ALCAM: variants seen among roughly 807,000 people sequenced by gnomAD.
The protein encoded by ALCAM is CD166 antigen.
ALCAM carries 30 observed loss-of-function variants against 70.9 expected under a neutral mutation model. The observed-to-expected ratio is 0.42, with a 90% CI of 0.32 to 0.57. The LOEUF (loss-of-function observed/expected upper bound fraction) is 0.57. Among genes scored for constraint, ALCAM ranks in the 20% least tolerant of loss-of-function variants. ALCAM has a pLI of 0.11. For synonymous variants in ALCAM, 249 were observed against 242.5 expected (o/e 1.03, Z -0.25); for missense variants, 591 against 695.1 (o/e 0.85, Z 1.68).
intron 1 of ALCAM, among the ~76,000 whole-genome samples, chr3:105,429,641 G>A (rs1936877814): frequency 6.6e-6 from 1 of 151,926 alleles, no homozygotes; most frequent in African/African-American, 2.4e-5. Flanking sequence ...AATGTGACAA[G>A]AAGTGATATT....
rs553751564 is a variant in ALCAM at position 105,374,705 on chromosome 3, A to T, written c.73+7224A>T. Among the ~76,000 whole-genome samples the T allele has an allele frequency of 4.6e-5, 7 of 152,010 alleles. No individual in the cohort carries two copies. In the South Asian group the frequency reaches 1.5e-3, roughly 32 times the overall value. On this transcript the variant is annotated intron_variant, in intron 1 of 15. Coordinates refer to ENST00000306107, the MANE Select transcript of ALCAM (RefSeq NM_001627.4). ...CTAATTTTGTGTATTTTTAGTAGAG[A>T]CTGGGTTTCACCATGTTGGCCAGGC...
chr3:105,515,625 T>TACCATTAGTGGTACC (rs1939361989), intron 1 of ALCAM, among the ~76,000 whole-genome samples: 1 of 151,950 alleles, frequency 6.6e-6, no homozygotes, highest in Non-Finnish European at 1.5e-5. Context: ...AGTGGTGCTG[T>TACCATTAGTGGTACC]CATCTAATGG....
At chr3:105,381,127 G>A (rs1935509093) in intron 1 of ALCAM, among the ~76,000 whole-genome samples, 1 of 151,926 alleles carries the variant, frequency 6.6e-6, no homozygotes, top group African/African-American at 2.4e-5. Context: ...AGCTGTGAAA[G>A]TTAAATGAAT....
intron 1 of ALCAM, among the ~76,000 whole-genome samples, chr3:105,454,486 CA>C (rs1288132359): frequency 6.6e-6 from 1 of 151,932 alleles, no homozygotes; most frequent in Non-Finnish European, 1.5e-5. Context: ...CATTTTTAGA[CA>C]GGGGAGACTG....
In ALCAM at chr3:105,494,771, C is replaced by A. The variant is rs980920468; in HGVS notation, c.74-25296C>A. Among the ~76,000 whole-genome samples, 18 of 152,010 alleles carry A rather than the reference C, an allele frequency of 1.2e-4. 1 individual carries two copies. Among genetic ancestry groups the A allele is most frequent in the Admixed American group, 7.9e-4 (12 of 15,246 alleles). On this transcript the variant is annotated intron_variant, in intron 1 of 15. Transcript: ENST00000306107. ...AACTCCTGGGCTCAAGTGATCCCCC[C>A]ACCTCAGCGTCCTGACTAACTGGGA...
intron 1 of ALCAM, among the ~76,000 whole-genome samples, chr3:105,517,991 T>C (rs144124354): frequency 1.4e-4 from 21 of 152,242 alleles, no homozygotes; most frequent in African/African-American, 4.8e-4. Context: ...GTATTTGAAA[T>C]TCATAGAGCT....
At chr3:105,498,324 C>T (rs1477742981) in intron 1 of ALCAM, among the ~76,000 whole-genome samples, 3 of 152,064 alleles carry the variant, frequency 2.0e-5, no homozygotes, top group African/African-American at 7.2e-5. Context: ...TCTGGTCACA[C>T]AAAACACAAT....
chr3:105,562,843 T>C (rs559686910), intron 14 of ALCAM, among the ~76,000 whole-genome samples: 1 of 152,370 alleles, frequency 6.6e-6, no homozygotes, highest in East Asian at 1.9e-4. Flanking sequence ...TTCACTCTTG[T>C]TGCCCAGGCT....
intron 14 of ALCAM, among the ~76,000 whole-genome samples, chr3:105,555,620 G>A (rs1940498229): frequency 6.6e-6 from 1 of 151,968 alleles, no homozygotes. Context: ...AGTCATTGGA[G>A]AAAGATAAGA....
At chr3:105,376,208 G>GA (rs1217451182) in intron 1 of ALCAM, among the ~76,000 whole-genome samples, 1 of 152,056 alleles carries the variant, frequency 6.6e-6, no homozygotes, top group Non-Finnish European at 1.5e-5. Context: ...AGGGTTGTTG[G>GA]AAAAATGAGA....
At chr3:105,442,506 G>A (rs1362815490) in intron 1 of ALCAM, among the ~76,000 whole-genome samples, 1 of 152,124 alleles carries the variant, frequency 6.6e-6, no homozygotes, top group Non-Finnish European at 1.5e-5. Flanking sequence ...ATTCGGCCAG[G>A]CGCGGTGGCT....
chr3:105,452,110 C>A (rs1292813476), intron 1 of ALCAM, among the ~76,000 whole-genome samples: 2 of 146,056 alleles, frequency 1.4e-5, no homozygotes, highest in African/African-American at 5.0e-5. Flanking sequence ...GTTTTTTTTT[C>A]TTCCAAAAAA....
At chr3:105,455,460 A>ATT in intron 1 of ALCAM, among the ~76,000 whole-genome samples, 1 of 149,678 alleles carries the variant, frequency 6.7e-6, no homozygotes, top group South Asian at 2.1e-4. Flanking sequence ...AAAAAAAAAG[A>ATT]GAAAAGAAAA....
intron 1 of ALCAM, among the ~76,000 whole-genome samples, chr3:105,413,971 C>T (rs1936449316): frequency 6.6e-6 from 1 of 152,124 alleles, no homozygotes; most frequent in Middle Eastern, 3.4e-3. Context: ...TGCAAAACAT[C>T]ATGTTCAATG....
intron 5 of ALCAM, among the ~76,000 whole-genome samples, chr3:105,534,099 G>A (rs780966243): frequency 6.6e-6 from 1 of 152,052 alleles, no homozygotes; most frequent in Non-Finnish European, 1.5e-5. Flanking sequence ...AGCAGGATTT[G>A]CATTCCTGTA....
Position 105,524,367 on chromosome 3 carries a change from G to A in ALCAM, c.253G>A (p.Glu85Lys), listed in dbSNP as rs765175016. The change falls in exon 3 of 16, where the codon GAA becomes AAA. Residue 85 changes from glutamate to lysine, a missense_variant. Physicochemically the swap from Glu to Lys is moderately conservative, Grantham distance 56. Transcript: ENST00000306107. Reference sequence around the variant, plus strand: ...AAGTGTGCAGTACGACGATGTACCAGAATACAAAGACAGATTGAACCTCTC... The same window carrying A: ...AAGTGTGCAGTACGACGATGTACCAAAATACAAAGACAGATTGAACCTCTC... ...KKSVQYDDVPEYKDRLNLSEN... is the reference protein window; with the variant it reads ...KKSVQYDDVPKYKDRLNLSEN... 13 of 1,614,128 alleles carry A rather than the reference G, an allele frequency of 8.1e-6. No homozygotes were observed. The South Asian group carries it at 1.4e-4, about 18-fold the overall frequency.
Position 105,552,161 on chromosome 3 carries a change from G to T in ALCAM, c.1525G>T (p.Asp509Tyr). 1 of 1,600,194 alleles carries T rather than the reference G, an allele frequency of 6.2e-7. No individual in the cohort carries two copies. The highest frequency in any genetic ancestry group is 8.5e-7 in the Non-Finnish European group (1 of 1,174,566). Residue 509 changes from aspartate to tyrosine, a missense_variant, in exon 13 of 16, where the codon GAT (aspartate) becomes TAT (tyrosine). By Grantham distance (160) the Asp-to-Tyr change is radical. This residue lies in a region of ALCAM where 164 missense variants were observed against 244.7 expected (regional missense o/e 0.67). Transcript: ENST00000306107. Reference sequence around the variant, plus strand: ...CATTTCAGTAAGTATTCCAGAACACGATGAGGCAGACGAGATAAGTGGTAG... The same window carrying T: ...CATTTCAGTAAGTATTCCAGAACACTATGAGGCAGACGAGATAAGTGGTAG... ...NVSAISIPEH[D>Y]EADEISDENR...
At chr3:105,489,513 T>C (rs1938525907) in intron 1 of ALCAM, among the ~76,000 whole-genome samples, 1 of 152,200 alleles carries the variant, frequency 6.6e-6, no homozygotes. Context: ...TATGATCACA[T>C]ATCATCAAAA....
chr3:105,536,529 G>A (rs1939974689), intron 6 of ALCAM, among the ~76,000 whole-genome samples: 1 of 152,188 alleles, frequency 6.6e-6, no homozygotes, highest in African/African-American at 2.4e-5. Context: ...AGAAATATCT[G>A]TGAGTATGAG....
Sources: allele counts gnomAD v4.1 joint callset (sites outside exome capture counted in the v4.1 genomes callset), GRCh38; gene constraint gnomAD v4.1.1; regional missense constraint gnomAD v4.1.1; transcripts MANE v1.5; gene names NCBI Gene and HGNC (gene_info 2026-07-23, HGNC 2026-07-21).